The following CNTN1 variants were observed in gnomAD, a reference collection of about 807,000 sequenced individuals.
The protein encoded by CNTN1 is contactin 1, also known as contactin-1.
Under a neutral mutation model 126.4 loss-of-function variants are expected in CNTN1, and 38 were observed. The ratio of observed to expected loss-of-function variants is 0.30; its 90% CI spans 0.23 to 0.39. The LOEUF is 0.39. CNTN1 is among the 10% of genes least tolerant of loss of function. The probability of loss-of-function intolerance (pLI) is 1.00; values close to 1 mark genes in which losing one functional copy is unlikely to be tolerated. For missense variants in CNTN1, 1,009 were observed against 1,248.4 expected (o/e 0.81, Z 2.89); for synonymous variants, 413 against 422.6 (o/e 0.98, Z 0.28).
intron 1 of CNTN1, among the ~76,000 whole-genome samples, chr12:40,812,370 G>A (rs1029182971): frequency 2.2e-4 from 34 of 152,064 alleles, no homozygotes; most frequent in African/African-American, 8.0e-4. Context: ...TGGATGGAAT[G>A]TTCTGTGTAT....
chr12:40,949,537 GTTTTTGT>G (rs1946580808), intron 14 of CNTN1, among the ~76,000 whole-genome samples: 1 of 93,772 alleles, frequency 1.1e-5, no homozygotes, highest in South Asian at 3.9e-4. Flanking sequence ...TGTTGTTGCT[GTTTTTGT>G]GGGTTTTCTT....
intron 1 of CNTN1, among the ~76,000 whole-genome samples, chr12:40,834,072 T>C (rs1941955856): frequency 6.6e-6 from 1 of 152,184 alleles, no homozygotes; most frequent in African/African-American, 2.4e-5. Context: ...TGTTAATCAG[T>C]GAATGCAAAA....
At chr12:40,862,699 G>T (rs1316087570) in intron 1 of CNTN1, among the ~76,000 whole-genome samples, 1 of 152,110 alleles carries the variant, frequency 6.6e-6, no homozygotes. Context: ...TATTGTCAAT[G>T]TAAAGGTCAT....
chr12:40,951,715 T>TAAAAAAAAAAA, intron 14 of CNTN1, among the ~76,000 whole-genome samples: 1 of 110,010 alleles, frequency 9.1e-6, no homozygotes, highest in Non-Finnish European at 1.8e-5. Flanking sequence ...TCTCAAAATT[T>TAAAAAAAAAAA]AAAAAAAAAA....
At chr12:41,061,899 G>A (rs1212152619) in intron 23 of CNTN1, 1 of 415,818 alleles carries the variant, frequency 2.4e-6, no homozygotes. Flanking sequence ...GTCTTAAGCT[G>A]TCTTTTTTCT....
intron 23 of CNTN1, among the ~76,000 whole-genome samples, chr12:41,065,186 G>A (rs575737700): frequency 6.6e-6 from 1 of 152,286 alleles, no homozygotes; most frequent in South Asian, 2.1e-4. Flanking sequence ...CTCCCGAGTA[G>A]CTGGGACTAT....
intron 14 of CNTN1, among the ~76,000 whole-genome samples, chr12:40,950,297 A>G (rs528869605): frequency 2.0e-5 from 3 of 152,334 alleles, no homozygotes; most frequent in Admixed American, 2.0e-4. Context: ...GGGACTAGCC[A>G]CTGCAAGGTT....
chr12:40,848,790 A>T (rs1942608968), intron 1 of CNTN1, among the ~76,000 whole-genome samples: 1 of 144,070 alleles, frequency 6.9e-6, no homozygotes, highest in African/African-American at 2.5e-5. Flanking sequence ...TGATGGTTTT[A>T]TATTATAGTT....
At chr12:40,940,658 C>G (rs1035464991) in intron 12 of CNTN1, among the ~76,000 whole-genome samples, 2 of 151,986 alleles carry the variant, frequency 1.3e-5, no homozygotes, top group African/African-American at 2.4e-5. Context: ...TGAGAATATG[C>G]CAGCACAGCC....
intron 17 of CNTN1, among the ~76,000 whole-genome samples, chr12:41,002,285 C>T (rs768145661): frequency 6.0e-5 from 9 of 151,160 alleles, no homozygotes; most frequent in Non-Finnish European, 1.2e-4. Flanking sequence ...AATGTTTTTC[C>T]ATTTGTTTGT....
intron 20 of CNTN1, among the ~76,000 whole-genome samples, chr12:41,022,854 T>C (rs141655842): frequency 2.3e-4 from 35 of 152,324 alleles, no homozygotes; most frequent in Admixed American, 6.5e-4. Flanking sequence ...TTGATTAAAA[T>C]TGCTGGAAGT....
rs976875057 is a variant in CNTN1 at position 41,016,977 on chromosome 12, C to G, written c.2419+61C>G. On this transcript the variant is annotated intron_variant, in intron 19 of 23. Coordinates refer to ENST00000551295, the MANE Select transcript of CNTN1 (RefSeq NM_001843.4). ...AGGAAAAACGTATTTCTCTAGCAGG[C>G]ATTTAGTTTGTTTCCTTTCAGGCCT... 36 of 1,399,386 alleles carry G rather than the reference C, an allele frequency of 2.6e-5. No homozygotes were observed. The Admixed American group carries it at 6.1e-4, about 24-fold the overall frequency. 86.7% of individuals were successfully genotyped at this position (1,399,386 alleles called of 1,614,324 possible). A position where few individuals can be genotyped will look rare whatever the true frequency, so the allele number is the denominator to read the frequency against.
intron 23 of CNTN1, among the ~76,000 whole-genome samples, chr12:41,051,893 A>AACACACACAC (rs71078300): frequency 4.5e-5 from 6 of 134,588 alleles, no homozygotes; most frequent in East Asian, 2.4e-4. Context: ...ACCCCACACA[A>AACACACACAC]ACACACACAC....
At chr12:40,838,946 G>A (rs997204661) in intron 1 of CNTN1, among the ~76,000 whole-genome samples, 3 of 152,016 alleles carry the variant, frequency 2.0e-5, no homozygotes, top group African/African-American at 7.3e-5. Context: ...AACATTTCAG[G>A]CAAAGAATTC....
At chr12:40,745,263 A>G (rs1384113177) in intron 1 of CNTN1, among the ~76,000 whole-genome samples, 1 of 152,144 alleles carries the variant, frequency 6.6e-6, no homozygotes, top group Non-Finnish European at 1.5e-5. Flanking sequence ...TGAGCCAAAT[A>G]TGAGTGACCA....
chr12:40,736,940 A>T (rs1275969024), intron 1 of CNTN1, among the ~76,000 whole-genome samples: 1 of 152,044 alleles, frequency 6.6e-6, no homozygotes, highest in Non-Finnish European at 1.5e-5. Context: ...AGAATTGCAT[A>T]AGGTTAGTTT....
chr12:41,029,786 C>T (rs1949105750), intron 23 of CNTN1, among the ~76,000 whole-genome samples: 1 of 152,014 alleles, frequency 6.6e-6, no homozygotes, highest in African/African-American at 2.4e-5. Flanking sequence ...AAGAGAAAAA[C>T]ACTAAATTAT....
Position 40,904,396 on chromosome 12 carries a change from T to TC in CNTN1, c.-76-3960dup, listed in dbSNP as rs1565916083. ...TTCCTTCCTTCTTTCCTTCCTTCCT[T>TC]CTTCCCTCCCTCTTTCATTCTTTCT... On this transcript the variant is annotated intron_variant, in intron 1 of 23. Transcript: ENST00000551295. Among the ~76,000 whole-genome samples, 623 of 148,592 alleles carry TC rather than the reference T, an allele frequency of 4.2e-3. 3 individuals are homozygous for TC. Among genetic ancestry groups the TC allele is most frequent in the African/African-American group, 0.012 (500 of 40,078 alleles).
At chr12:40,939,248 A>G in intron 11 of CNTN1, 87 bp from the exon 12 acceptor site, 1 of 1,361,064 alleles carries the variant, frequency 7.3e-7, no homozygotes, top group South Asian at 1.2e-5. Flanking sequence ...ATTAACTATT[A>G]AGGAGAATAA....
Sources: allele counts gnomAD v4.1 joint callset (sites outside exome capture counted in the v4.1 genomes callset), GRCh38; gene constraint gnomAD v4.1.1; transcripts MANE v1.5; gene names NCBI Gene and HGNC (gene_info 2026-07-23, HGNC 2026-07-21).